TANGO6: variants seen among roughly 807,000 people sequenced by gnomAD.
TANGO6 encodes transport and Golgi organization protein 6 homolog.
In TANGO6, 90 loss-of-function variants were observed where a neutral mutation model predicts 114.2. The ratio of observed to expected loss-of-function variants is 0.79; its 90% CI spans 0.66 to 0.94. The LOEUF is 0.94. TANGO6 is among the 40% of genes least tolerant of loss of function. The pLI is 0.00. For missense variants in TANGO6, 1,274 were observed against 1,315.3 expected (o/e 0.97, Z 0.49); for synonymous variants, 477 against 509.8 (o/e 0.94, Z 0.87).
At chr16:68,967,335 C>T (rs574928666) in intron 14 of TANGO6, among the ~76,000 whole-genome samples, 1 of 152,188 alleles carries the variant, frequency 6.6e-6, no homozygotes, top group Admixed American at 6.5e-5. Flanking sequence ...AGGGTTCACA[C>T]TCCTGGGAGT....
chr16:68,941,777 T>C (rs1963356606), intron 14 of TANGO6, among the ~76,000 whole-genome samples: 1 of 151,800 alleles, frequency 6.6e-6, no homozygotes. Flanking sequence ...AGGTTTGATT[T>C]TGGGGAAGTT....
chr16:68,933,376 C>G (rs1388147910), intron 14 of TANGO6, among the ~76,000 whole-genome samples: 2 of 152,318 alleles, frequency 1.3e-5, no homozygotes, highest in East Asian at 3.9e-4. Context: ...GATGGCACCA[C>G]TGCACTCCAT....
intron 15 of TANGO6, among the ~76,000 whole-genome samples, chr16:68,988,688 C>G (rs1963919343): frequency 7.2e-6 from 1 of 139,322 alleles, no homozygotes; most frequent in African/African-American, 2.8e-5. Flanking sequence ...TAAGTTCTCT[C>G]TCTCTTTTTT....
chr16:69,033,634 C>G (rs750523555), intron 16 of TANGO6: 2 of 152,236 alleles, frequency 1.3e-5, no homozygotes, highest in African/African-American at 4.8e-5. Flanking sequence ...GAACAGCTTC[C>G]TTTCTGAGAA....
intron 2 of TANGO6, among the ~76,000 whole-genome samples, chr16:68,861,698 A>G (rs1004844508): frequency 3.3e-5 from 5 of 152,224 alleles, no homozygotes; most frequent in African/African-American, 1.2e-4. Flanking sequence ...AGGAGTTGAC[A>G]GAGGGAAAAC....
At chr16:69,018,427 T>C (rs867744673) in intron 15 of TANGO6, among the ~76,000 whole-genome samples, 28 of 149,966 alleles carry the variant, frequency 1.9e-4, no homozygotes, top group African/African-American at 3.9e-4. Context: ...GGATTACAGG[T>C]GTGAGCCACC....
chr16:68,957,702 A>AT (rs1357794803), intron 14 of TANGO6, among the ~76,000 whole-genome samples: 2 of 152,048 alleles, frequency 1.3e-5, no homozygotes, highest in Admixed American at 6.6e-5. Context: ...CCCAGCAAGC[A>AT]TAAGACTTTA....
At chr16:68,906,792 CTTTT>C (rs35841953) in intron 9 of TANGO6, among the ~76,000 whole-genome samples, 4 of 133,004 alleles carry the variant, frequency 3.0e-5, no homozygotes, top group Non-Finnish European at 3.2e-5. Flanking sequence ...GTTTCTTCTT[CTTTT>C]TTTTTTTTTT....
chr16:68,865,207 C>T (rs185112135), intron 3 of TANGO6, among the ~76,000 whole-genome samples: 166 of 147,788 alleles, frequency 1.1e-3, no homozygotes, highest in Non-Finnish European at 1.7e-3. Flanking sequence ...ACCTGGGAGG[C>T]GGAGGTTGCA....
At chr16:69,040,683 G>A (rs1959759102) in intron 17 of TANGO6, among the ~76,000 whole-genome samples, 1 of 152,030 alleles carries the variant, frequency 6.6e-6, no homozygotes, top group African/African-American at 2.4e-5. Context: ...CTGAATCCTG[G>A]CATTGTCCTC....
At chr16:69,004,313 C>G (rs1964071080) in intron 15 of TANGO6, among the ~76,000 whole-genome samples, 2 of 151,922 alleles carry the variant, frequency 1.3e-5, no homozygotes, top group Non-Finnish European at 2.9e-5. Flanking sequence ...AATACAAACT[C>G]ACCGTTTCAT....
intron 17 of TANGO6, among the ~76,000 whole-genome samples, chr16:69,065,492 CAT>C (rs1960201650): frequency 6.6e-6 from 1 of 152,202 alleles, no homozygotes; most frequent in South Asian, 2.1e-4. Context: ...AAAAACCACA[CAT>C]GATACCCGCC....
At position 68,907,597 on chromosome 16, in the gene TANGO6, T is replaced by C; in HGVS notation, c.1800+22T>C. ...GAAAGTAAGAACTACCTGTAGTTCC[T>C]GGTCAGTGTTGTTCCAGGGGAGTTC... On this transcript the variant is annotated intron_variant, in intron 10 of 17. Transcript: ENST00000261778. 3.1e-6 allele frequency: 5 copies of C among 1,601,676 alleles called. No individual in the cohort carries two copies. The South Asian group carries it at 4.5e-5, about 14-fold the overall frequency.
At chr16:68,896,600 C>T (rs552104382) in intron 7 of TANGO6, among the ~76,000 whole-genome samples, 5 of 152,272 alleles carry the variant, frequency 3.3e-5, no homozygotes, top group African/African-American at 4.8e-5. Context: ...TGAGCCACTG[C>T]ACCCAGCCCA....
At chr16:68,954,249 CAA>C (rs552507549) in intron 14 of TANGO6, among the ~76,000 whole-genome samples, 13 of 60,120 alleles carry the variant, frequency 2.2e-4, no homozygotes, top group Admixed American at 6.3e-4. Flanking sequence ...GACTCCATCT[CAA>C]AAAAAAAAAA....
intron 17 of TANGO6, among the ~76,000 whole-genome samples, chr16:69,043,454 G>T (rs1959805231): frequency 6.6e-6 from 1 of 152,080 alleles, no homozygotes; most frequent in Non-Finnish European, 1.5e-5. Context: ...TTGTGGCCAT[G>T]GAAGATTTTT....
At chr16:68,903,123 C>T (rs1258728846) in intron 9 of TANGO6, among the ~76,000 whole-genome samples, 1 of 152,128 alleles carries the variant, frequency 6.6e-6, no homozygotes. Flanking sequence ...GACTGCTATC[C>T]TGTTTGGATT....
chr16:68,918,955 C>A, intron 11 of TANGO6, 130 bp from the exon 12 acceptor site: 1 of 1,050,910 alleles, frequency 9.5e-7, no homozygotes, highest in Non-Finnish European at 1.3e-6. Flanking sequence ...TGGTAAGTAG[C>A]AGTTGTTCTG....
chr16:69,083,399 C>T (rs1960494111), intron 17 of TANGO6, 86 bp from the exon 18 acceptor site: 7 of 1,456,162 alleles, frequency 4.8e-6, no homozygotes, highest in Non-Finnish European at 4.6e-6. Flanking sequence ...TCACAGATCT[C>T]CTCAGGCAGG....
Sources: allele counts gnomAD v4.1 joint callset (sites outside exome capture counted in the v4.1 genomes callset), GRCh38; gene constraint gnomAD v4.1.1; transcripts MANE v1.5; gene names NCBI Gene and HGNC (gene_info 2026-07-23, HGNC 2026-07-21).